FAM107B: variants seen among roughly 807,000 people sequenced by gnomAD.
FAM107B encodes the protein family with sequence similarity 107 member B.
FAM107B carries 21 observed loss-of-function variants against 31.5 expected under a neutral mutation model. The ratio of observed to expected loss-of-function variants is 0.67; its 90% confidence interval spans 0.47 to 0.96. FAM107B has a LOEUF of 0.96. Ranked by LOEUF, FAM107B falls within the 40% of genes least tolerant of loss-of-function variation. FAM107B has a pLI of 0.00. For missense variants in FAM107B, 452 were observed against 377.1 expected, an observed-to-expected ratio of 1.20 and a Z score of -1.64; for synonymous variants, 157 against 141.5, an observed-to-expected ratio of 1.11 and a Z score of -0.78.
At chr10:14,571,554 T>C (rs181353185) in intron 2 of FAM107B, among the ~76,000 whole-genome samples, 89 of 152,246 alleles carry the variant, frequency 5.8e-4, no homozygotes, top group Non-Finnish European at 9.3e-4. Flanking sequence ...AAAAAAATAG[T>C]TCACAACTAC....
At chr10:14,681,637 C>G (rs770852455) in intron 1 of FAM107B, among the ~76,000 whole-genome samples, 1 of 152,172 alleles carries the variant, frequency 6.6e-6, no homozygotes, top group Non-Finnish European at 1.5e-5. Flanking sequence ...ACTTGTATCA[C>G]TGCCCATTCC....
At chr10:14,641,365 G>C (rs568467881) in intron 2 of FAM107B, among the ~76,000 whole-genome samples, 4 of 152,286 alleles carry the variant, frequency 2.6e-5, no homozygotes, top group Middle Eastern at 3.4e-3. Flanking sequence ...ACTTGGATTA[G>C]ACATCTATTA....
At chr10:14,667,973 C>T (rs1854449026) in intron 1 of FAM107B, among the ~76,000 whole-genome samples, 1 of 152,008 alleles carries the variant, frequency 6.6e-6, no homozygotes, top group Admixed American at 6.5e-5. Flanking sequence ...AACCCAGGGG[C>T]CCCCTGTGAC....
chr10:14,603,230 T>C (rs1852462884), intron 2 of FAM107B, among the ~76,000 whole-genome samples: 1 of 152,122 alleles, frequency 6.6e-6, no homozygotes, highest in Non-Finnish European at 1.5e-5. Flanking sequence ...GCCCAGACAC[T>C]ATTTCAACTT....
intron 2 of FAM107B, among the ~76,000 whole-genome samples, chr10:14,533,880 C>T (rs1451845612): frequency 6.6e-6 from 1 of 152,128 alleles, no homozygotes; most frequent in African/African-American, 2.4e-5. Flanking sequence ...GAGGGGCACC[C>T]AAGCCTGTCT....
intron 3 of FAM107B, among the ~76,000 whole-genome samples, chr10:14,527,784 T>C (rs1846454238): frequency 6.6e-6 from 1 of 152,142 alleles, no homozygotes; most frequent in African/African-American, 2.4e-5. Flanking sequence ...ACACACACAG[T>C]ATTGATGTGA....
intron 2 of FAM107B, among the ~76,000 whole-genome samples, chr10:14,535,099 G>T (rs7085127): frequency 0.12 from 17,576 of 152,202 alleles, 1,123 homozygotes; most frequent in Non-Finnish European, 0.15. Flanking sequence ...TTACTGACAT[G>T]AAACATCATT....
chr10:14,703,047 TC>T (rs146239557), intron 1 of FAM107B, among the ~76,000 whole-genome samples: 31,677 of 152,104 alleles, frequency 0.21, 3,942 homozygotes, highest in Admixed American at 0.29. Flanking sequence ...CCATTCATTC[TC>T]CCAGGTAATC....
chr10:14,739,794 C>T (rs1588745664), intron 1 of FAM107B, among the ~76,000 whole-genome samples: 1 of 152,090 alleles, frequency 6.6e-6, no homozygotes, highest in South Asian at 2.1e-4. Context: ...CAATGAGAGA[C>T]ACCGTGAAGT....
At chr10:14,566,178 G>C (rs888774449) in intron 2 of FAM107B, among the ~76,000 whole-genome samples, 3 of 152,184 alleles carry the variant, frequency 2.0e-5, no homozygotes, top group African/African-American at 7.2e-5. Flanking sequence ...CACTAAAGTA[G>C]CAGAGATAAA....
chr10:14,548,262 C>G (rs1329546184), intron 2 of FAM107B, among the ~76,000 whole-genome samples: 1 of 152,136 alleles, frequency 6.6e-6, no homozygotes, highest in East Asian at 1.9e-4. Context: ...GCAGACGCGA[C>G]AGACGCACCC....
intron 2 of FAM107B, among the ~76,000 whole-genome samples, chr10:14,648,225 C>T (rs1170993413): frequency 6.6e-6 from 1 of 152,190 alleles, no homozygotes; most frequent in African/African-American, 2.4e-5. Context: ...CACAAGGAAG[C>T]TTGACTGAAA....
At chr10:14,741,765 G>A (rs1292018662) in intron 1 of FAM107B, among the ~76,000 whole-genome samples, 1 of 133,712 alleles carries the variant, frequency 7.5e-6, no homozygotes, top group African/African-American at 2.9e-5. Flanking sequence ...CTGTCGCCCA[G>A]GCTGGAGTGC....
intron 2 of FAM107B, among the ~76,000 whole-genome samples, chr10:14,566,424 G>A (rs531245398): frequency 7.9e-5 from 12 of 152,204 alleles, no homozygotes; most frequent in East Asian, 3.9e-4. Context: ...AACTGCAGGC[G>A]ACCCACGTCC....
chr10:14,557,723 T>G (rs2131137456), intron 2 of FAM107B, among the ~76,000 whole-genome samples: 1 of 152,346 alleles, frequency 6.6e-6, no homozygotes, highest in South Asian at 2.1e-4. Flanking sequence ...TCACAACAGT[T>G]CTGCGAGGGA....
intron 1 of FAM107B, among the ~76,000 whole-genome samples, chr10:14,668,497 T>A (rs1435118899): frequency 2.0e-5 from 3 of 152,242 alleles, no homozygotes; most frequent in Non-Finnish European, 2.9e-5. Flanking sequence ...GGTGTACACA[T>A]TCTTGTCTGA....
At chr10:14,720,081 A>G (rs1205129767) in intron 1 of FAM107B, among the ~76,000 whole-genome samples, 1 of 152,150 alleles carries the variant, frequency 6.6e-6, no homozygotes, top group Non-Finnish European at 1.5e-5. Context: ...GACCTCAGGC[A>G]AGTCACAACC....
intron 2 of FAM107B, among the ~76,000 whole-genome samples, chr10:14,642,728 C>A (rs1276243780): frequency 3.9e-5 from 6 of 152,154 alleles, no homozygotes; most frequent in Non-Finnish European, 8.8e-5. Context: ...TCCCTATAAG[C>A]AATCAGGAAG....
chr10:14,521,689 G>A (rs1845650303), intron 4 of FAM107B, among the ~76,000 whole-genome samples, 180 bp downstream of exon 4: 1 of 152,190 alleles, frequency 6.6e-6, no homozygotes, highest in African/African-American at 2.4e-5. Context: ...TAGGTCCTCA[G>A]TAGGATTCTT....
Sources: gnomAD v4.1 joint callset for allele counts (sites outside exome capture counted in the v4.1 genomes callset) on GRCh38, gnomAD v4.1.1 for gene constraint, MANE v1.5 for transcripts, NCBI Gene and HGNC (gene_info 2026-07-23, HGNC 2026-07-21) for gene names.